The following VWA3B variants were observed in gnomAD, a reference collection of about 807,000 sequenced individuals.
The protein encoded by VWA3B is von Willebrand factor A domain-containing protein 3B.
Under a neutral mutation model 158.3 loss-of-function variants are expected in VWA3B, and 138 were observed. The observed-to-expected ratio is 0.87, with a 90% CI of 0.76 to 1.00. VWA3B has a LOEUF of 1.00. Ranked by LOEUF, VWA3B falls within the 50% of genes least tolerant of loss-of-function variation. The pLI is 0.00. For missense variants in VWA3B, 1,555 were observed against 1,565.1 expected (o/e 0.99, Z 0.11); for synonymous variants, 596 against 587.3 (o/e 1.01, Z -0.21).
chr2:98,141,242 C>T (rs1676757515), intron 7 of VWA3B, among the ~76,000 whole-genome samples: 1 of 152,170 alleles, frequency 6.6e-6, no homozygotes, highest in Non-Finnish European at 1.5e-5. Flanking sequence ...GTGTATGCGT[C>T]TGTTTTGCAC....
intron 7 of VWA3B, among the ~76,000 whole-genome samples, chr2:98,150,749 A>C (rs1258785617): frequency 2.0e-5 from 3 of 152,194 alleles, no homozygotes; most frequent in African/African-American, 7.2e-5. Flanking sequence ...ATTCTATTCT[A>C]GACTGTCTAT....
intron 11 of VWA3B, among the ~76,000 whole-genome samples, chr2:98,193,823 C>T (rs948898826): frequency 6.6e-6 from 1 of 151,826 alleles, no homozygotes; most frequent in African/African-American, 2.4e-5. Flanking sequence ...CTCCTGACCT[C>T]GTGATCCGCC....
chr2:98,287,499 A>G (rs563793168), intron 22 of VWA3B, among the ~76,000 whole-genome samples: 1 of 152,224 alleles, frequency 6.6e-6, no homozygotes, highest in Non-Finnish European at 1.5e-5. Flanking sequence ...GGATGATGGA[A>G]TGAAGGCTAC....
chr2:98,163,152 T>C (rs1678773954), intron 8 of VWA3B, among the ~76,000 whole-genome samples, 176 bp downstream of exon 8: 1 of 151,904 alleles, frequency 6.6e-6, no homozygotes, highest in Non-Finnish European at 1.5e-5. Flanking sequence ...TGAACACACA[T>C]GCATGGACAT....
intron 7 of VWA3B, among the ~76,000 whole-genome samples, chr2:98,158,456 G>C (rs1678282761): frequency 6.6e-6 from 1 of 152,146 alleles, no homozygotes; most frequent in South Asian, 2.1e-4. Flanking sequence ...CTGGGTTCAT[G>C]GAAGGCTGAC....
At chr2:98,155,870 T>C (rs1678022833) in intron 7 of VWA3B, among the ~76,000 whole-genome samples, 1 of 152,138 alleles carries the variant, frequency 6.6e-6, no homozygotes, top group Non-Finnish European at 1.5e-5. Context: ...AGAATATTGC[T>C]CCTGGAAATC....
intron 10 of VWA3B, 112 bp from the exon 11 acceptor site, chr2:98,192,786 T>C: frequency 6.9e-7 from 1 of 1,452,724 alleles, no homozygotes; most frequent in East Asian, 2.3e-5. Context: ...AGATTGGGTA[T>C]AAACAACATA....
intron 11 of VWA3B, 75 bp from the exon 12 acceptor site, chr2:98,194,286 A>G: frequency 6.8e-7 from 1 of 1,479,024 alleles, no homozygotes; most frequent in Non-Finnish European, 9.3e-7. Flanking sequence ...ATTAAAATAT[A>G]TCAAACTGTG....
intron 5 of VWA3B, among the ~76,000 whole-genome samples, chr2:98,127,752 T>C (rs1237321033): frequency 6.6e-6 from 1 of 152,030 alleles, no homozygotes; most frequent in African/African-American, 2.4e-5. Flanking sequence ...GGCGTGTGAG[T>C]CCCTGCTTAG....
At chr2:98,230,788 A>C (rs1685287910) in intron 16 of VWA3B, among the ~76,000 whole-genome samples, 1 of 152,342 alleles carries the variant, frequency 6.6e-6, no homozygotes, top group Non-Finnish European at 1.5e-5. Context: ...TAGCACGGGA[A>C]GTTCTAGCCA....
chr2:98,313,334 A>G (rs1340109479), downstream of VWA3B: 2 of 152,194 alleles, frequency 1.3e-5, no homozygotes, highest in African/African-American at 4.8e-5. Flanking sequence ...AAAAACAATA[A>G]TGCAGTGAGG....
intron 2 of VWA3B, among the ~76,000 whole-genome samples, chr2:98,114,014 C>T (rs1674338595): frequency 6.6e-6 from 1 of 152,184 alleles, no homozygotes; most frequent in Non-Finnish European, 1.5e-5. Context: ...ATAACAAATG[C>T]CCTCCTTTTT....
At chr2:98,089,879 C>T (rs923900387) in intron 1 of VWA3B, among the ~76,000 whole-genome samples, 1 of 152,066 alleles carries the variant, frequency 6.6e-6, no homozygotes, top group African/African-American at 2.4e-5. Context: ...GGGCGTGCAC[C>T]TTAGCTATAC....
chr2:98,167,080 G>A (rs1467661989), intron 8 of VWA3B, among the ~76,000 whole-genome samples: 2 of 152,144 alleles, frequency 1.3e-5, no homozygotes, highest in Admixed American at 1.3e-4. Context: ...GGCAGCAGCT[G>A]TTCCCCTAAG....
intron 21 of VWA3B, among the ~76,000 whole-genome samples, chr2:98,258,491 A>C (rs2105834083): frequency 6.6e-6 from 1 of 152,010 alleles, no homozygotes; most frequent in East Asian, 1.9e-4. Flanking sequence ...TGAACATAGA[A>C]TGTCTTTCCA....
rs1467154275 is a variant in VWA3B at position 98,298,417 on chromosome 2, CTATT to C, written c.3282+387_3282+390del. Among the ~76,000 whole-genome samples, 86 of 151,300 alleles carry C rather than the reference CTATT, an allele frequency of 5.7e-4. 2 individuals are homozygous for C. Among genetic ancestry groups the C allele is most frequent in the Admixed American group, 2.8e-3 (43 of 15,162 alleles). ...CTATTCTATTCTATTCTATTCTATT[CTATT>C]CTATTCTATTCTATTCTATTCTATG... On this transcript the variant is annotated intron_variant, in intron 24 of 27. Coordinates refer to ENST00000477737, the MANE Select transcript of VWA3B (RefSeq NM_144992.5).
chr2:98,235,984 T>C (rs1348939833), intron 17 of VWA3B, among the ~76,000 whole-genome samples: 1 of 152,230 alleles, frequency 6.6e-6, no homozygotes, highest in Non-Finnish European at 1.5e-5. Context: ...TTTGGTTTTC[T>C]ACAGAAAGCT....
intron 20 of VWA3B, among the ~76,000 whole-genome samples, chr2:98,254,006 A>G (rs1686961628): frequency 6.6e-6 from 1 of 152,146 alleles, no homozygotes; most frequent in Non-Finnish European, 1.5e-5. Context: ...AGGCTATGAA[A>G]ATGTGCTCCT....
At chr2:98,261,516 G>C (rs574522010) in intron 21 of VWA3B, among the ~76,000 whole-genome samples, 1 of 151,544 alleles carries the variant, frequency 6.6e-6, no homozygotes, top group Non-Finnish European at 1.5e-5. Flanking sequence ...TCTTCATATG[G>C]CTTAGAATTA....
Sources: gnomAD v4.1 joint callset for allele counts (sites outside exome capture counted in the v4.1 genomes callset) on GRCh38, gnomAD v4.1.1 for gene constraint, MANE v1.5 for transcripts, NCBI Gene and HGNC (gene_info 2026-07-23, HGNC 2026-07-21) for gene names.